The following XXYLT1 variants were observed in gnomAD, a reference collection of about 807,000 sequenced individuals.
The protein encoded by XXYLT1 is UDP-xylose:alpha-xyloside alpha-1,3-xylosyltransferase.
Under a neutral mutation model 28.9 loss-of-function variants are expected in XXYLT1, and 20 were observed. The ratio of observed to expected loss-of-function variants is 0.69; its 90% CI spans 0.49 to 1.00. The LOEUF is 1.00. Among genes scored for constraint, XXYLT1 ranks in the 50% least tolerant of loss-of-function variants. XXYLT1 has a pLI of 0.00. For synonymous variants in XXYLT1, 257 were observed against 253.8 expected (o/e 1.01, Z -0.12); for missense variants, 542 against 560.1 (o/e 0.97, Z 0.33).
intron 2 of XXYLT1, among the ~76,000 whole-genome samples, chr3:195,186,770 A>T (rs569652233): frequency 9.9e-5 from 15 of 151,940 alleles, no homozygotes; most frequent in African/African-American, 3.6e-4. Flanking sequence ...TCTAACCCCC[A>T]TGTCCTTAGC....
chr3:195,234,525 G>T (rs949725016), intron 1 of XXYLT1, among the ~76,000 whole-genome samples: 20 of 151,352 alleles, frequency 1.3e-4, no homozygotes, highest in Non-Finnish European at 2.7e-4. Context: ...CACCATCTTG[G>T]CCAGGCTGGT....
chr3:195,163,570 C>A (rs12634183), intron 2 of XXYLT1, among the ~76,000 whole-genome samples: 4,253 of 152,290 alleles, frequency 0.028, 123 homozygotes, highest in East Asian at 0.15. Flanking sequence ...AAATACATTC[C>A]CAGCCCATAA....
In XXYLT1 at chr3:195,127,772, A is replaced by ATGTGTGTGTGTGTGTGTG. The variant is rs3073344; in HGVS notation, c.785+28676_785+28677insCACACACACACACACACA. ...ACCTTGGGTGACAGAGTGAGACAAA[A>ATGTGTGTGTGTGTGTGTG]TGTGTGTGTGTGTGTAATTTTTCTG... On this transcript the variant is annotated intron_variant, in intron 3 of 3. Transcript: ENST00000310380. Among the ~76,000 whole-genome samples, 61 of 151,550 alleles carry ATGTGTGTGTGTGTGTGTG rather than the reference A, an allele frequency of 4.0e-4. No individual in the cohort carries two copies. In the East Asian group the frequency reaches 5.3e-3, roughly 13 times the overall value.
intron 2 of XXYLT1, among the ~76,000 whole-genome samples, chr3:195,159,012 C>T (rs1169102923): frequency 6.6e-6 from 1 of 152,104 alleles, no homozygotes; most frequent in African/African-American, 2.4e-5. Context: ...AGTAACATCG[C>T]AGAGAAGATG....
At position 195,256,660 on chromosome 3, in the gene XXYLT1, GT is replaced by G; in HGVS notation, c.504+13894del. Reference sequence around the variant, plus strand: ...ATACACGCCTGGAAGAGAACAGACTGTTACTCAGAGCCGGAGCGTCCCCACT... The same window carrying G: ...ATACACGCCTGGAAGAGAACAGACTGTACTCAGAGCCGGAGCGTCCCCACT... On this transcript the variant is annotated intron_variant, in intron 1 of 3. Transcript: ENST00000310380. The surrounding 1 kb of genome is among the most constrained non-coding windows in gnomAD (Gnocchi z 4.2). The G allele has an allele frequency of 1.2e-6, 1 of 846,684 alleles. No individual in the cohort carries two copies. The highest frequency in any genetic ancestry group is 1.4e-6 in the Non-Finnish European group (1 of 703,256). 52.4% of individuals were successfully genotyped at this position (846,684 alleles called of 1,614,324 possible).
At chr3:195,090,610 A>G (rs569829279) in intron 3 of XXYLT1, among the ~76,000 whole-genome samples, 66 of 150,776 alleles carry the variant, frequency 4.4e-4, no homozygotes, top group African/African-American at 1.2e-3. Context: ...CATCACAATT[A>G]AAAGAACTAG....
intron 2 of XXYLT1, among the ~76,000 whole-genome samples, chr3:195,207,229 G>T (rs1250216010): frequency 6.6e-6 from 1 of 152,166 alleles, no homozygotes; most frequent in Non-Finnish European, 1.5e-5. Flanking sequence ...TCAGCATATG[G>T]TGTGCAAAGC....
intron 2 of XXYLT1, among the ~76,000 whole-genome samples, chr3:195,158,955 C>T (rs1197193162): frequency 2.0e-5 from 3 of 152,132 alleles, no homozygotes; most frequent in Non-Finnish European, 4.4e-5. Context: ...GAGGGTTACA[C>T]AGAACGCTGA....
At chr3:195,079,370 C>T (rs9876307) in intron 3 of XXYLT1, among the ~76,000 whole-genome samples, 8,112 of 152,044 alleles carry the variant, frequency 0.053, 501 homozygotes, top group African/African-American at 0.15. Context: ...GTATTCTGTA[C>T]GCCAAGGGAA....
At chr3:195,203,555 G>A (rs988965094) in intron 2 of XXYLT1, among the ~76,000 whole-genome samples, 2 of 152,082 alleles carry the variant, frequency 1.3e-5, no homozygotes, top group South Asian at 2.1e-4. Flanking sequence ...GAAGTGAATC[G>A]AACATTAACA....
chr3:195,129,304 G>A lies in XXYLT1; in HGVS notation c.785+27145C>T, dbSNP rs1054118819. On this transcript the variant is annotated intron_variant, in intron 3 of 3. Coordinates refer to ENST00000310380, the MANE Select transcript of XXYLT1 (RefSeq NM_152531.5). The surrounding 1 kb of genome is among the most constrained non-coding windows in gnomAD (Gnocchi z 4.4). The stretch of plus-strand genomic sequence containing the variant: ...ACCCATTTAACATGTACAATTCAGT[G>A]GATTTTAGTATGCTCACAGAGTTGT... Among the ~76,000 whole-genome samples the A allele has an allele frequency of 6.6e-6, 1 of 152,118 alleles. No homozygotes were observed. Among genetic ancestry groups the A allele is most frequent in the Non-Finnish European group, 1.5e-5 (1 of 68,012 alleles).
intron 3 of XXYLT1, among the ~76,000 whole-genome samples, chr3:195,113,211 G>T (rs7652885): frequency 0.12 from 18,710 of 152,162 alleles, 1,512 homozygotes; most frequent in East Asian, 0.33. Context: ...GCCGCCTCAG[G>T]AAAACATCTC....
At position 195,255,509 on chromosome 3, in the gene XXYLT1, C is replaced by G. The variant is rs929991659; in HGVS notation, c.504+15046G>C. ...GAGCAGCCGATCAGTGGACGTGGAG[C>G]AAAGCCTTTCATTGTCCACAAAACA... On this transcript the variant is annotated intron_variant, in intron 1 of 3. Coordinates refer to ENST00000310380, the MANE Select transcript of XXYLT1 (RefSeq NM_152531.5). This position sits in a 1 kb window ranked among gnomAD's most constrained non-coding sequence, Gnocchi z 4.5. 5.3e-5 allele frequency among the ~76,000 whole-genome samples: 8 copies of G among 149,674 alleles called. No homozygotes were observed. Among genetic ancestry groups the G allele is most frequent in the African/African-American group, 1.9e-4 (8 of 41,382 alleles).
At chr3:195,241,154 G>A (rs1724758724) in intron 1 of XXYLT1, among the ~76,000 whole-genome samples, 1 of 152,156 alleles carries the variant, frequency 6.6e-6, no homozygotes, top group Admixed American at 6.5e-5. Context: ...CACCTACTTG[G>A]CACATTCCCA....
chr3:195,212,462 CAGTG>C (rs1445805716), intron 2 of XXYLT1, among the ~76,000 whole-genome samples: 2 of 152,182 alleles, frequency 1.3e-5, no homozygotes, highest in East Asian at 3.8e-4. Context: ...CTTCAGAAGA[CAGTG>C]AGTCTTCTGG....
chr3:195,162,995 T>TA (rs916747326), intron 2 of XXYLT1, among the ~76,000 whole-genome samples: 1 of 149,490 alleles, frequency 6.7e-6, no homozygotes, highest in Non-Finnish European at 1.5e-5. Context: ...AAGTTTTTGG[T>TA]TTTTTTTTGT....
intron 3 of XXYLT1, among the ~76,000 whole-genome samples, chr3:195,089,910 AAGAT>A (rs958828197): frequency 3.8e-4 from 58 of 152,354 alleles, no homozygotes; most frequent in African/African-American, 1.3e-3. Flanking sequence ...TAAAGCAACA[AAGAT>A]AAAAAGAGAC....
At chr3:195,212,182 CG>C (rs1560154844) in intron 2 of XXYLT1, among the ~76,000 whole-genome samples, 1 of 152,036 alleles carries the variant, frequency 6.6e-6, no homozygotes, top group Non-Finnish European at 1.5e-5. Flanking sequence ...GGAATGCCAC[CG>C]GGAGAGTGGC....
intron 2 of XXYLT1, among the ~76,000 whole-genome samples, chr3:195,211,223 G>A (rs529168008): frequency 5.3e-5 from 8 of 152,200 alleles, no homozygotes; most frequent in South Asian, 2.1e-4. Flanking sequence ...GTGAAACCCC[G>A]TCTCTACTAA....
Sources: allele counts gnomAD v4.1 joint callset (sites outside exome capture counted in the v4.1 genomes callset), GRCh38; gene constraint gnomAD v4.1.1; non-coding constraint Gnocchi (gnomAD v3.1); transcripts MANE v1.5; gene names NCBI Gene and HGNC (gene_info 2026-07-23, HGNC 2026-07-21).